Variants in DLG1 observed in about 807,000 individuals in gnomAD.
The protein encoded by DLG1 is disks large homolog 1.
Under a neutral mutation model 123.4 loss-of-function variants are expected in DLG1, and 42 were observed. The observed-to-expected ratio is 0.34, with a 90% CI of 0.27 to 0.44. DLG1 has a LOEUF of 0.44. Among genes scored for constraint, DLG1 ranks in the 20% least tolerant of loss-of-function variants. The pLI is 1.00. For synonymous variants in DLG1, 317 were observed against 356.2 expected (o/e 0.89, Z 1.24); for missense variants, 942 against 1,082.6 (o/e 0.87, Z 1.82).
intron 3 of DLG1, among the ~76,000 whole-genome samples, chr3:197,284,293 G>A (rs942976910): frequency 7.2e-5 from 11 of 151,828 alleles, no homozygotes; most frequent in Admixed American, 1.3e-4. Context: ...ACACACATAC[G>A]CACACACACA....
At chr3:197,207,946 T>G (rs1729444519) in intron 4 of DLG1, among the ~76,000 whole-genome samples, 2 of 145,268 alleles carry the variant, frequency 1.4e-5, no homozygotes, top group Admixed American at 6.9e-5. Flanking sequence ...ACTGATAAAT[T>G]TGACTAGAAG....
intron 4 of DLG1, among the ~76,000 whole-genome samples, chr3:197,248,039 G>C (rs1752602199): frequency 6.6e-6 from 1 of 152,076 alleles, no homozygotes; most frequent in Non-Finnish European, 1.5e-5. Flanking sequence ...AGCCATATGA[G>C]GTGACCACGG....
At chr3:197,271,089 C>A (rs958081085) in intron 4 of DLG1, among the ~76,000 whole-genome samples, 2 of 151,830 alleles carry the variant, frequency 1.3e-5, no homozygotes, top group African/African-American at 4.8e-5. Flanking sequence ...TGTGTATTCC[C>A]AACCCATTCC....
At position 197,067,896 on chromosome 3, in the gene DLG1, C is replaced by CCCT. The variant is rs529263837; in HGVS notation, c.2048-1145_2048-1143dup. ...TTTTAAACTAACACACACACATCCC[C>CCCT]CCTCACCCCCACGCCTAAAATTAGA... is the stretch of plus-strand genomic sequence containing the variant. On this transcript the variant is annotated intron_variant, in intron 19 of 24. Coordinates refer to ENST00000667157, the MANE Select transcript of DLG1 (RefSeq NM_001366207.1). 4.1e-3 allele frequency among the ~76,000 whole-genome samples: 619 copies of CCCT among 152,210 alleles called. 4 individuals carry two copies. Among genetic ancestry groups the CCCT allele is most frequent in the African/African-American group, 0.014 (599 of 41,522 alleles).
intron 4 of DLG1, among the ~76,000 whole-genome samples, chr3:197,217,379 A>G (rs1275272700): frequency 3.3e-5 from 5 of 152,252 alleles, no homozygotes; most frequent in African/African-American, 4.8e-5. Flanking sequence ...CCCTACTTCA[A>G]GATTATGAAC....
At chr3:197,124,720 G>GC (rs1553934090) in intron 11 of DLG1, among the ~76,000 whole-genome samples, 1 of 152,030 alleles carries the variant, frequency 6.6e-6, no homozygotes, top group Non-Finnish European at 1.5e-5. Context: ...GGGACCACAG[G>GC]CACGCACCAT....
At chr3:197,164,288 T>C (rs1169878126) in intron 5 of DLG1, among the ~76,000 whole-genome samples, 8 of 151,726 alleles carry the variant, frequency 5.3e-5, no homozygotes, top group African/African-American at 1.9e-4. Context: ...TCCCAGCTAC[T>C]TGGGAGGCTG....
At chr3:197,245,166 G>T (rs187242955) in intron 4 of DLG1, among the ~76,000 whole-genome samples, 139 of 152,182 alleles carry the variant, frequency 9.1e-4, no homozygotes, top group African/African-American at 2.9e-3. Flanking sequence ...CAGGGGGTAT[G>T]GTATTCCCAC....
rs146569348 is a variant in DLG1, at chr3:197,209,679, A to C, written c.319-15090T>G. ...ATCACAACCAATCCATTCTCTAACC[A>C]CAATGGAATTAACTGAGAAACAAGG... On this transcript the variant is annotated intron_variant, in intron 4 of 24. Transcript: ENST00000667157. Among the ~76,000 whole-genome samples, 17 of 146,820 alleles carry C rather than the reference A, an allele frequency of 1.2e-4. 1 individual carries two copies. The Admixed American group carries it at 1.2e-3, about 10-fold the overall frequency.
rs1182673591 is a variant in DLG1 at position 197,043,627 on chromosome 3, A to ATAGT, written c.*992_*995dup. On this transcript the variant is annotated 3_prime_UTR_variant, in exon 25 of 25. Coordinates refer to ENST00000667157, the MANE Select transcript of DLG1 (RefSeq NM_001366207.1). ...CAACTATGTAAAGAAAATAATTCCC[A>ATAGT]TAGTTACAGTTTAAAGAAAGTTTTA... is the stretch of plus-strand genomic sequence containing the variant. 1 of 151,150 alleles carries ATAGT rather than the reference A, an allele frequency of 6.6e-6. No individual in the cohort carries two copies. Among genetic ancestry groups the ATAGT allele is most frequent in the Admixed American group, 6.6e-5 (1 of 15,176 alleles). 9.4% of individuals were successfully genotyped at this position (151,150 alleles called of 1,614,324 possible).
chr3:197,093,170 T>C (rs1272714959), intron 14 of DLG1, among the ~76,000 whole-genome samples: 3 of 151,026 alleles, frequency 2.0e-5, no homozygotes, highest in African/African-American at 7.3e-5. Context: ...CTTTTCTTTT[T>C]GTTTTTTCAG....
chr3:197,053,416 A>G (rs1729319792), intron 23 of DLG1, among the ~76,000 whole-genome samples: 1 of 152,018 alleles, frequency 6.6e-6, no homozygotes, highest in African/African-American at 2.4e-5. Flanking sequence ...TTGACAGTTA[A>G]ATTTTTTTTT....
intron 23 of DLG1, among the ~76,000 whole-genome samples, chr3:197,056,387 C>G (rs1259660017): frequency 6.6e-6 from 1 of 152,178 alleles, no homozygotes; most frequent in African/African-American, 2.4e-5. Flanking sequence ...GGTAAGGGTT[C>G]TTGCAATCTA....
chr3:197,133,260 C>T (rs1056927193), intron 10 of DLG1, among the ~76,000 whole-genome samples: 2 of 152,184 alleles, frequency 1.3e-5, no homozygotes, highest in Non-Finnish European at 2.9e-5. Context: ...AACCTAGCCA[C>T]CATCCTGTGT....
At chr3:197,281,020 C>T (rs993819083) in intron 4 of DLG1, among the ~76,000 whole-genome samples, 23 of 126,960 alleles carry the variant, frequency 1.8e-4, no homozygotes, top group African/African-American at 7.2e-4. Flanking sequence ...TTTGTGGAGG[C>T]TCTTTTTTTT....
chr3:197,218,882 A>C (rs1056902016), intron 4 of DLG1, among the ~76,000 whole-genome samples: 1 of 152,234 alleles, frequency 6.6e-6, no homozygotes, highest in Non-Finnish European at 1.5e-5. Context: ...CTGTAAGCCC[A>C]GCACTTTGGG....
chr3:197,097,440 T>A (rs1489687927), intron 14 of DLG1, among the ~76,000 whole-genome samples: 1 of 152,180 alleles, frequency 6.6e-6, no homozygotes, highest in Non-Finnish European at 1.5e-5. Context: ...TATTTGGGGT[T>A]CATAGGATAT....
intron 4 of DLG1, among the ~76,000 whole-genome samples, chr3:197,254,888 A>C (rs1756098372): frequency 6.6e-6 from 1 of 151,996 alleles, no homozygotes; most frequent in Non-Finnish European, 1.5e-5. Flanking sequence ...CGTTTACTAA[A>C]AATACAAAGA....
intron 4 of DLG1, among the ~76,000 whole-genome samples, chr3:197,266,765 A>G (rs1163499595): frequency 2.0e-5 from 3 of 152,180 alleles, no homozygotes; most frequent in Admixed American, 2.0e-4. Flanking sequence ...GCAATTGTCT[A>G]AAATTTAACA....
Sources: gnomAD v4.1 joint callset for allele counts (sites outside exome capture counted in the v4.1 genomes callset) on GRCh38, gnomAD v4.1.1 for gene constraint, MANE v1.5 for transcripts, NCBI Gene and HGNC (gene_info 2026-07-23, HGNC 2026-07-21) for gene names.